NAALADL2: variants seen among roughly 807,000 people sequenced by gnomAD.
NAALADL2 encodes the protein inactive N-acetylated-alpha-linked acidic dipeptidase-like protein 2.
NAALADL2 carries 76 observed loss-of-function variants against 87.2 expected under a neutral mutation model. That is an observed-to-expected ratio of 0.87 (90% confidence interval 0.72 to 1.05). The LOEUF (loss-of-function observed/expected upper bound fraction) is 1.05. Ranked by LOEUF, NAALADL2 falls within the 50% of genes least tolerant of loss-of-function variation. The pLI is 0.00. For synonymous variants in NAALADL2, 354 were observed against 331.0 expected (o/e 1.07, Z -0.75); for missense variants, 1,089 against 945.8 (o/e 1.15, Z -1.99).
chr3:175,721,326 A>G (rs1415951993), intron 11 of NAALADL2, among the ~76,000 whole-genome samples: 1 of 152,134 alleles, frequency 6.6e-6, no homozygotes, highest in African/African-American at 2.4e-5. Context: ...GGAAGTAAAG[A>G]AAGCTCATTG....
chr3:174,444,547 A>T (rs756458590), intron 1 of NAALADL2, among the ~76,000 whole-genome samples: 9 of 152,158 alleles, frequency 5.9e-5, no homozygotes, highest in Non-Finnish European at 1.0e-4. Context: ...TACAAGATAA[A>T]AGGGGAAAAG....
chr3:175,798,057 A>G (rs1345986714), intron 13 of NAALADL2, among the ~76,000 whole-genome samples: 1 of 152,052 alleles, frequency 6.6e-6, no homozygotes, highest in Non-Finnish European at 1.5e-5. Context: ...GCAGAAATTT[A>G]TTTTATGTAA....
At chr3:175,781,820 C>T in intron 13 of NAALADL2, among the ~76,000 whole-genome samples, 1 of 151,954 alleles carries the variant, frequency 6.6e-6, no homozygotes, top group Non-Finnish European at 1.5e-5. Flanking sequence ...ACTAACTCGT[C>T]ATCTAGCATT....
intron 5 of NAALADL2, among the ~76,000 whole-genome samples, chr3:175,335,408 C>T (rs1273633375): frequency 1.3e-5 from 2 of 152,140 alleles, no homozygotes; most frequent in Non-Finnish European, 2.9e-5. Flanking sequence ...GAGATAGTAT[C>T]TGCACCTAAT....
At chr3:174,825,265 C>G (rs558340435) in intron 3 of NAALADL2, among the ~76,000 whole-genome samples, 1 of 152,228 alleles carries the variant, frequency 6.6e-6, no homozygotes, top group Middle Eastern at 3.4e-3. Context: ...GCCTGAGGGC[C>G]GGAGGAGACA....
chr3:175,485,874 GAAGAA>G (rs1560631879), intron 9 of NAALADL2, among the ~76,000 whole-genome samples: 1 of 152,176 alleles, frequency 6.6e-6, no homozygotes, highest in African/African-American at 2.4e-5. Flanking sequence ...AGAGCTCTTA[GAAGAA>G]GAGACAGGAA....
intron 5 of NAALADL2, among the ~76,000 whole-genome samples, chr3:175,345,969 GTGA>G (rs1311508970): frequency 6.6e-6 from 1 of 152,126 alleles, no homozygotes; most frequent in Non-Finnish European, 1.5e-5. Flanking sequence ...GAAACAGACT[GTGA>G]TTTATTTAAT....
At chr3:175,218,858 T>G (rs888089535) in intron 2 of NAALADL2, among the ~76,000 whole-genome samples, 1 of 151,932 alleles carries the variant, frequency 6.6e-6, no homozygotes, top group African/African-American at 2.4e-5. Flanking sequence ...CAGGCTGGAG[T>G]GCAATCGCGC....
chr3:175,664,203 A>G (rs1453013184), intron 11 of NAALADL2, among the ~76,000 whole-genome samples: 2 of 152,050 alleles, frequency 1.3e-5, no homozygotes, highest in African/African-American at 2.4e-5. Context: ...CTAGATTTAA[A>G]TAGTCTAGCC....
intron 2 of NAALADL2, among the ~76,000 whole-genome samples, chr3:175,198,767 T>C (rs1171877288): frequency 2.7e-5 from 4 of 147,732 alleles, no homozygotes; most frequent in Non-Finnish European, 6.0e-5. Context: ...TTTGCAGATT[T>C]TTTTTTCATT....
chr3:175,453,728 T>C (rs1206304100), intron 6 of NAALADL2, among the ~76,000 whole-genome samples: 1 of 152,146 alleles, frequency 6.6e-6, no homozygotes, highest in African/African-American at 2.4e-5. Context: ...GTATTTGAAA[T>C]GAATGTACGC....
At chr3:175,569,042 G>T (rs1483752003) in intron 9 of NAALADL2, among the ~76,000 whole-genome samples, 3 of 152,184 alleles carry the variant, frequency 2.0e-5, no homozygotes, top group Non-Finnish European at 4.4e-5. Flanking sequence ...TCAGTTAGAA[G>T]CAAGTGAAAA....
At chr3:174,622,922 A>C (rs1261520464) in intron 2 of NAALADL2, among the ~76,000 whole-genome samples, 1 of 152,182 alleles carries the variant, frequency 6.6e-6, no homozygotes, top group Non-Finnish European at 1.5e-5. Context: ...AGGCACCTAT[A>C]GTCCCAGCAA....
intron 1 of NAALADL2, among the ~76,000 whole-genome samples, chr3:174,489,111 T>C (rs1486292832): frequency 6.6e-6 from 1 of 152,120 alleles, no homozygotes; most frequent in Non-Finnish European, 1.5e-5. Flanking sequence ...CTAAATCTTA[T>C]CAGATTATGA....
intron 4 of NAALADL2, among the ~76,000 whole-genome samples, chr3:175,305,821 G>A (rs1477026353): frequency 2.0e-5 from 3 of 151,958 alleles, no homozygotes; most frequent in South Asian, 2.1e-4. Flanking sequence ...CGCACCTGGC[G>A]TATTTATTTC....
intron 2 of NAALADL2, among the ~76,000 whole-genome samples, chr3:174,629,979 C>A (rs566231122): frequency 6.6e-6 from 1 of 152,066 alleles, no homozygotes; most frequent in African/African-American, 2.4e-5. Flanking sequence ...TGATGTCACT[C>A]GAAAACTTTC....
chr3:174,867,747 A>G (rs1316311475), intron 1 of NAALADL2, among the ~76,000 whole-genome samples: 2 of 152,126 alleles, frequency 1.3e-5, no homozygotes, highest in African/African-American at 4.8e-5. Context: ...CTTTAAATAA[A>G]AGAACCATTG....
At chr3:174,769,957 A>G (rs1482466666) in intron 3 of NAALADL2, among the ~76,000 whole-genome samples, 1 of 149,878 alleles carries the variant, frequency 6.7e-6, no homozygotes, top group Non-Finnish European at 1.5e-5. Flanking sequence ...ATAGTTATAT[A>G]TGCTTTTTCA....
At chr3:175,625,833 A>G (rs982026879) in intron 10 of NAALADL2, among the ~76,000 whole-genome samples, 22 of 151,972 alleles carry the variant, frequency 1.4e-4, no homozygotes, top group Admixed American at 1.2e-3. Flanking sequence ...TGATTAAACT[A>G]GGTGACATAT....
Sources: gnomAD v4.1 joint callset for allele counts (sites outside exome capture counted in the v4.1 genomes callset) on GRCh38, gnomAD v4.1.1 for gene constraint, MANE v1.5 for transcripts, NCBI Gene and HGNC (gene_info 2026-07-23, HGNC 2026-07-21) for gene names.